FRMD4B: variants seen among roughly 807,000 people sequenced by gnomAD.
The protein encoded by FRMD4B is FERM domain-containing protein 4B.
A neutral mutation model predicts 141.5 loss-of-function variants in FRMD4B; 74 were observed. That is an observed-to-expected ratio of 0.52 (90% CI 0.43 to 0.63). FRMD4B has a LOEUF of 0.63. Ranked by LOEUF, FRMD4B falls within the 30% of genes least tolerant of loss-of-function variation. The pLI, the probability that FRMD4B is intolerant of heterozygous loss-of-function variation, is 0.00. For synonymous variants in FRMD4B, 506 were observed against 467.9 expected, an observed-to-expected ratio of 1.08 and a Z score of -1.05; for missense variants, 1,366 against 1,253.4, an observed-to-expected ratio of 1.09 and a Z score of -1.36.
intron 1 of FRMD4B, among the ~76,000 whole-genome samples, chr3:69,316,260 C>G (rs1701800626): frequency 6.6e-6 from 1 of 152,136 alleles, no homozygotes; most frequent in Non-Finnish European, 1.5e-5. Context: ...CTTAATTCGG[C>G]AAAGCCAAGG....
At chr3:69,343,138 G>C (rs1420389305) in intron 1 of FRMD4B, among the ~76,000 whole-genome samples, 1 of 152,058 alleles carries the variant, frequency 6.6e-6, no homozygotes, top group Non-Finnish European at 1.5e-5. Flanking sequence ...AATTTTTGTA[G>C]AGGTAGGGTC....
chr3:69,243,174 T>G (rs532036361), intron 7 of FRMD4B, among the ~76,000 whole-genome samples: 1 of 152,166 alleles, frequency 6.6e-6, no homozygotes, highest in African/African-American at 2.4e-5. Context: ...CAGACTGTCA[T>G]CTATTTAAAG....
chr3:69,285,576 C>T (rs1700651407), intron 5 of FRMD4B, among the ~76,000 whole-genome samples: 1 of 152,160 alleles, frequency 6.6e-6, no homozygotes. Flanking sequence ...GGCACAGTGG[C>T]TCATGCCTAT....
intron 1 of FRMD4B, among the ~76,000 whole-genome samples, chr3:69,498,836 T>G (rs1025528821): frequency 2.0e-5 from 3 of 152,172 alleles, no homozygotes; most frequent in Non-Finnish European, 2.9e-5. Context: ...CTTCAATGAG[T>G]ATTTATCGAA....
rs1269525371 is a variant in FRMD4B at position 69,170,609 on chromosome 3, A to G, written c.*1252T>C. The G allele has an allele frequency of 6.6e-6, 1 of 152,230 alleles. No individual in the cohort carries two copies. Among genetic ancestry groups the G allele is most frequent in the Non-Finnish European group, 1.5e-5 (1 of 68,050 alleles). 9.4% of individuals were successfully genotyped at this position (152,230 alleles called of 1,614,324 possible). A position where few individuals can be genotyped will look rare whatever the true frequency, so the allele number is the denominator to read the frequency against. ...ACTTGTATAAAAGAAGGGGGAAAGGAGCACCTTTTATGTAATTTTGAAGCA... is the reference window on the plus strand; with the variant it reads ...ACTTGTATAAAAGAAGGGGGAAAGGGGCACCTTTTATGTAATTTTGAAGCA... On this transcript the variant is annotated 3_prime_UTR_variant, in exon 23 of 23. Coordinates refer to ENST00000398540, the MANE Select transcript of FRMD4B (RefSeq NM_015123.3).
chr3:69,199,576 C>G (rs2092946525), intron 11 of FRMD4B, among the ~76,000 whole-genome samples: 1 of 152,180 alleles, frequency 6.6e-6, no homozygotes, highest in Non-Finnish European at 1.5e-5. Context: ...AAGAGTTCCC[C>G]TAAATGCCAC....
intron 7 of FRMD4B, among the ~76,000 whole-genome samples, chr3:69,238,071 T>A (rs1349368155): frequency 6.6e-6 from 1 of 152,192 alleles, no homozygotes; most frequent in African/African-American, 2.4e-5. Context: ...GCACTTGCTA[T>A]GTGTGACAAG....
At chr3:69,445,103 T>C (rs1490791440) in intron 1 of FRMD4B, among the ~76,000 whole-genome samples, 10 of 152,100 alleles carry the variant, frequency 6.6e-5, no homozygotes, top group African/African-American at 2.4e-4. Context: ...GAGTGATGCA[T>C]ACAAGTGACA....
At chr3:69,507,521 A>G (rs1240339065) in intron 1 of FRMD4B, among the ~76,000 whole-genome samples, 1 of 152,182 alleles carries the variant, frequency 6.6e-6, no homozygotes, top group Non-Finnish European at 1.5e-5. Context: ...TAATACCTAC[A>G]TAGTATTTTA....
intron 7 of FRMD4B, chr3:69,228,327 A>T (rs1286631879): frequency 2.2e-6 from 1 of 456,696 alleles, no homozygotes; most frequent in Non-Finnish European, 4.4e-6. Context: ...AATATTAGAC[A>T]TCTCAGATGC....
chr3:69,285,514 T>C (rs1270441456), intron 5 of FRMD4B, among the ~76,000 whole-genome samples: 1 of 150,782 alleles, frequency 6.6e-6, no homozygotes, highest in South Asian at 2.1e-4. Flanking sequence ...CACAAACACA[T>C]GAAGAAAGCT....
chr3:69,362,214 G>A (rs13075664), intron 1 of FRMD4B, among the ~76,000 whole-genome samples: 55,650 of 151,898 alleles, frequency 0.37, 12,148 homozygotes, highest in African/African-American at 0.61. Flanking sequence ...CTTTGAGGTC[G>A]GGACTATTAT....
intron 2 of FRMD4B, among the ~76,000 whole-genome samples, chr3:69,411,799 C>G (rs539080875): frequency 6.6e-6 from 1 of 152,306 alleles, no homozygotes; most frequent in East Asian, 1.9e-4. Flanking sequence ...TCACCACGCA[C>G]TTCTTAAAGT....
Position 69,515,676 on chromosome 3 carries a change from C to T in FRMD4B, c.-129+26530G>A, listed in dbSNP as rs145170596. 1.1e-3 allele frequency among the ~76,000 whole-genome samples: 164 copies of T among 151,438 alleles called. 2 individuals carry two copies. In the East Asian group the frequency reaches 0.025, roughly 23 times the overall value. Reference sequence around the variant, plus strand: ...TATCAAAATATTAAAAACATAATGACGAAATAGATATAGAATATGTATCTA... The same window carrying T: ...TATCAAAATATTAAAAACATAATGATGAAATAGATATAGAATATGTATCTA... On this transcript the variant is annotated intron_variant, in intron 1 of 5. Transcript: ENST00000459638.
chr3:69,205,604 T>C (rs1480136462), intron 11 of FRMD4B, among the ~76,000 whole-genome samples: 2 of 152,200 alleles, frequency 1.3e-5, no homozygotes, highest in African/African-American at 4.8e-5. Flanking sequence ...CATGTGGTGA[T>C]GCTTGGAGAC....
intron 1 of FRMD4B, among the ~76,000 whole-genome samples, chr3:69,448,157 GTA>G (rs1705438167): frequency 6.6e-6 from 1 of 151,816 alleles, no homozygotes; most frequent in Admixed American, 6.6e-5. Context: ...AGCCTCCCAA[GTA>G]GCTGGGATTA....
Position 69,456,205 on chromosome 3 carries a change from T to G in FRMD4B, c.-128-23444A>C, listed in dbSNP as rs1264460077. 6.6e-5 allele frequency among the ~76,000 whole-genome samples: 10 copies of G among 151,812 alleles called. No individual in the cohort carries two copies. The East Asian group carries it at 1.7e-3, about 27-fold the overall frequency. ...TTCACAGCCAAGGTGTATGACACTT[T>G]CATTTCACTTTGTCAATTCATGAAA... On this transcript the variant is annotated intron_variant, in intron 1 of 5. Transcript: ENST00000459638.
intron 1 of FRMD4B, among the ~76,000 whole-genome samples, chr3:69,369,534 T>C (rs1245664831): frequency 6.9e-6 from 1 of 145,496 alleles, no homozygotes; most frequent in East Asian, 2.0e-4. Flanking sequence ...CACTAACATC[T>C]CAAGAAAAAA....
chr3:69,302,120 C>T (rs1701236342), intron 4 of FRMD4B, among the ~76,000 whole-genome samples: 1 of 152,142 alleles, frequency 6.6e-6, no homozygotes, highest in Admixed American at 6.5e-5. Context: ...CAACTCTATC[C>T]TTCATCTTCA....
Sources: gnomAD v4.1 joint callset for allele counts (sites outside exome capture counted in the v4.1 genomes callset) on GRCh38, gnomAD v4.1.1 for gene constraint, MANE v1.5 for transcripts, NCBI Gene and HGNC (gene_info 2026-07-23, HGNC 2026-07-21) for gene names.